FARP2: variants seen among roughly 807,000 people sequenced by gnomAD.
The protein encoded by FARP2 is FERM, ARH/RhoGEF and pleckstrin domain protein 2.
A neutral mutation model predicts 130.5 loss-of-function variants in FARP2; 111 were observed. The observed-to-expected ratio is 0.85, with a 90% CI of 0.73 to 1.00. The LOEUF is 1.00. Ranked by LOEUF, FARP2 falls within the 50% of genes least tolerant of loss-of-function variation. The probability of loss-of-function intolerance (pLI) is 0.00; values close to 1 mark genes in which losing one functional copy is unlikely to be tolerated. For missense variants in FARP2, 1,385 were observed against 1,346.3 expected, an observed-to-expected ratio of 1.03 and a Z score of -0.45; for synonymous variants, 504 against 516.9, an observed-to-expected ratio of 0.98 and a Z score of 0.34.
chr2:241,385,532 G>C (rs2061763755), intron 2 of FARP2, among the ~76,000 whole-genome samples: 1 of 151,990 alleles, frequency 6.6e-6, no homozygotes, highest in South Asian at 2.1e-4. Flanking sequence ...GACAATTCTG[G>C]GCAACATAGC....
chr2:241,456,590 TTG>T, intron 13 of FARP2, 155 bp from the exon 14 acceptor site: 2 of 675,254 alleles, frequency 3.0e-6, no homozygotes, highest in South Asian at 3.7e-5. Context: ...ATGTTTAGAA[TTG>T]TGTGTGATAG....
chr2:241,401,831 G>T (rs994952510), intron 2 of FARP2, among the ~76,000 whole-genome samples: 1 of 151,038 alleles, frequency 6.6e-6, no homozygotes, highest in South Asian at 2.1e-4. Context: ...CGCCCAGGCT[G>T]GAGTGCAATG....
At chr2:241,446,214 A>G (rs2063511105) in intron 13 of FARP2, 1 of 152,180 alleles carries the variant, frequency 6.6e-6, no homozygotes, top group African/African-American at 2.4e-5. Flanking sequence ...CTAGGTATTG[A>G]TATGTGCCTT....
rs1553717195 is a variant in FARP2, at chr2:241,413,450, A to ATTGTCACCACAGTAATGACTAAAGAGT, written c.623+30_623+56dup. Reference sequence around the variant, plus strand: ...AGTCATCACAATTGTCTGTCAACACATTGTCACCACAGTAATGACTAAAGA... The same window carrying ATTGTCACCACAGTAATGACTAAAGAGT: ...AGTCATCACAATTGTCTGTCAACACATTGTCACCACAGTAATGACTAAAGAGTTTGTCACCACAGTAATGACTAAAGA... On this transcript the variant is annotated intron_variant, in intron 7 of 26. Coordinates refer to ENST00000264042, the MANE Select transcript of FARP2 (RefSeq NM_014808.4). 4.3e-6 allele frequency: 6 copies of ATTGTCACCACAGTAATGACTAAAGAGT among 1,408,776 alleles called. No homozygotes were observed. In the East Asian group the frequency reaches 1.4e-4, roughly 32 times the overall value. The allele number at this position is 1,408,776 out of a possible 1,614,324, so 87.3% of individuals were successfully genotyped here.
intron 19 of FARP2, chr2:241,478,495 C>G (rs1392318603): frequency 1.3e-5 from 4 of 311,978 alleles, no homozygotes; most frequent in South Asian, 9.3e-5. Context: ...TGTGCCAGGA[C>G]CTGAAATACT....
intron 14 of FARP2, among the ~76,000 whole-genome samples, chr2:241,457,585 A>G (rs35143235): frequency 0.015 from 609 of 40,064 alleles, 6 homozygotes; most frequent in Middle Eastern, 0.022. Context: ...TGGGCGGGAG[A>G]CCCAGTGTAG....
intron 11 of FARP2, among the ~76,000 whole-genome samples, chr2:241,436,184 C>T (rs1284619628): frequency 6.6e-6 from 1 of 152,076 alleles, no homozygotes; most frequent in African/African-American, 2.4e-5. Flanking sequence ...GCTGGGATTA[C>T]AGGTGTGAGC....
At chr2:241,451,728 A>G (rs533974304) in intron 13 of FARP2, among the ~76,000 whole-genome samples, 1 of 152,222 alleles carries the variant, frequency 6.6e-6, no homozygotes, top group East Asian at 1.9e-4. Context: ...CTAAAACTTG[A>G]TATTTAGCAT....
At chr2:241,485,822 C>G (rs546895352) in intron 21 of FARP2, among the ~76,000 whole-genome samples, 47 of 150,828 alleles carry the variant, frequency 3.1e-4, no homozygotes, top group East Asian at 2.8e-3. Flanking sequence ...CAGTAGGGTC[C>G]TCCTTCCCTG....
intron 11 of FARP2, 62 bp downstream of exon 11, chr2:241,435,092 A>C: frequency 1.1e-6 from 1 of 946,572 alleles, no homozygotes; most frequent in Non-Finnish European, 1.6e-6. Flanking sequence ...AAATATATAT[A>C]TGGAGAGAGA....
intron 21 of FARP2, among the ~76,000 whole-genome samples, chr2:241,486,680 T>C (rs950467912): frequency 6.6e-6 from 1 of 152,150 alleles, no homozygotes; most frequent in Non-Finnish European, 1.5e-5. Flanking sequence ...TGGCTGGTTG[T>C]TGAGGACTGT....
chr2:241,430,058 C>T (rs182485676), intron 8 of FARP2, among the ~76,000 whole-genome samples: 2 of 152,200 alleles, frequency 1.3e-5, no homozygotes, highest in Admixed American at 1.3e-4. Context: ...CTTCCTACTA[C>T]TGGAAGGAAG....
At chr2:241,473,380 A>G (rs937034819) in intron 18 of FARP2, among the ~76,000 whole-genome samples, 1 of 148,406 alleles carries the variant, frequency 6.7e-6, no homozygotes, top group Admixed American at 6.7e-5. Context: ...TGTGGGGGCC[A>G]TGTTCTGAGA....
At position 241,373,088 on chromosome 2, in the gene FARP2, T is replaced by C. The variant is rs1480784841; in HGVS notation, c.-20T>C. 2 of 1,352,678 alleles carry C rather than the reference T, an allele frequency of 1.5e-6. No homozygotes were observed. The highest frequency in any genetic ancestry group is 9.6e-7 in the Non-Finnish European group (1 of 1,036,436). The allele number at this position is 1,352,678 out of a possible 1,614,324, so 83.8% of individuals were successfully genotyped here. A position where few individuals can be genotyped will look rare whatever the true frequency, so the allele number is the denominator to read the frequency against. ...TTTTTTTTTTTTTCATTTTAGTGTT[T>C]TCTTCACTCATGGTGAAGAATGGGG... On this transcript the variant is annotated 5_prime_UTR_variant, in exon 2 of 27. Transcript: ENST00000264042.
Position 241,420,586 on chromosome 2 carries a change from CAA to C in FARP2, c.771+2479_771+2480del, listed in dbSNP as rs2062780535. 2.0e-5 allele frequency among the ~76,000 whole-genome samples: 3 copies of C among 152,188 alleles called. No homozygotes were observed. In the South Asian group the frequency reaches 6.2e-4, roughly 31 times the overall value. ...AATGAGCAGGATACCATGATAGAAA[CAA>C]ATGGAGAACATAAAAACATTTGCAA... On this transcript the variant is annotated intron_variant, in intron 8 of 26. Transcript: ENST00000264042.
intron 5 of FARP2, among the ~76,000 whole-genome samples, chr2:241,410,158 C>T (rs2062477119): frequency 6.6e-6 from 1 of 152,142 alleles, no homozygotes; most frequent in African/African-American, 2.4e-5. Flanking sequence ...TTTCAATTGC[C>T]TTCTCTCATT....
At chr2:241,361,194 C>T (rs2061177904) in intron 1 of FARP2, among the ~76,000 whole-genome samples, 1 of 152,204 alleles carries the variant, frequency 6.6e-6, no homozygotes, top group Non-Finnish European at 1.5e-5. Flanking sequence ...CTTTCCACTG[C>T]CCACACACTT....
intron 22 of FARP2, among the ~76,000 whole-genome samples, 183 bp downstream of exon 22, chr2:241,490,227 G>A (rs1164974102): frequency 6.6e-6 from 1 of 152,160 alleles, no homozygotes; most frequent in Non-Finnish European, 1.5e-5. Context: ...GCCCTTGTCA[G>A]GGGCAGGGCT....
rs193066158 is a variant in FARP2, at chr2:241,487,984, G to A, written c.2422-1978G>A. Among the ~76,000 whole-genome samples the A allele has an allele frequency of 7.0e-3, 1,070 of 151,902 alleles. 30 individuals carry two copies. The South Asian group carries it at 0.073, about 10-fold the overall frequency. On this transcript the variant is annotated intron_variant, in intron 21 of 26. Coordinates refer to ENST00000264042, the MANE Select transcript of FARP2 (RefSeq NM_014808.4). ...AGGATGGTCTCGATCTCCTGACCTC[G>A]TGATCCACCCGCCTCGGCCTCCCAA...
Sources: allele counts gnomAD v4.1 joint callset (sites outside exome capture counted in the v4.1 genomes callset), GRCh38; gene constraint gnomAD v4.1.1; transcripts MANE v1.5; gene names NCBI Gene and HGNC (gene_info 2026-07-23, HGNC 2026-07-21).